ACTR3C: variants seen among roughly 807,000 people sequenced by gnomAD.
ACTR3C encodes actin related protein 3C.
ACTR3C carries 18 observed loss-of-function variants against 26.3 expected under a neutral mutation model. That is an observed-to-expected ratio of 0.68 (90% CI 0.47 to 1.01). ACTR3C has a LOEUF of 1.01. Among genes scored for constraint, ACTR3C ranks in the 50% least tolerant of loss-of-function variants. The pLI is 0.00. For synonymous variants in ACTR3C, 55 were observed against 94.5 expected (o/e 0.58, Z 2.42); for missense variants, 184 against 250.7 (o/e 0.73, Z 1.80).
At chr7:150,098,586 C>A in the ACTR3C span, among the ~76,000 whole-genome samples, 1 of 151,720 alleles carries the variant, frequency 6.6e-6, no homozygotes, top group Non-Finnish European at 1.5e-5. Context: ...ACTTAAAGTG[C>A]TTTTTGAACT....
chr7:150,288,950 G>A (rs1205905752), intron 4 of ACTR3C, among the ~76,000 whole-genome samples: 1 of 151,794 alleles, frequency 6.6e-6, no homozygotes, highest in Non-Finnish European at 1.5e-5. Flanking sequence ...GGAGAAGTGT[G>A]GGTGTCAGGC....
the ACTR3C span, among the ~76,000 whole-genome samples, chr7:149,887,717 G>A: frequency 6.6e-6 from 1 of 152,192 alleles, no homozygotes; most frequent in African/African-American, 2.4e-5. Flanking sequence ...GATATGATTT[G>A]GCTGTGCCCC....
At chr7:150,249,226 T>C (rs10429018) in intron 6 of ACTR3C, among the ~76,000 whole-genome samples, 172 bp from the exon 7 acceptor site, 14,635 of 152,194 alleles carry the variant, frequency 0.096, 2,364 homozygotes, top group African/African-American at 0.33. Flanking sequence ...TAGCAGATTT[T>C]TCATCTGAAA....
chr7:150,157,066 C>A, the ACTR3C span, among the ~76,000 whole-genome samples: 15 of 144,174 alleles, frequency 1.0e-4, no homozygotes, highest in African/African-American at 3.5e-4. Context: ...ACAAAAAACA[C>A]GTGGACAAGG....
the ACTR3C span, among the ~76,000 whole-genome samples, chr7:149,994,871 G>T: frequency 4.1e-5 from 6 of 145,348 alleles, no homozygotes; most frequent in East Asian, 1.2e-3. Flanking sequence ...TTTTGAGATG[G>T]AGTATGGAGT....
downstream of ACTR3C, chr7:150,245,540 A>T (rs1412433983): frequency 1.3e-5 from 2 of 152,230 alleles, no homozygotes; most frequent in African/African-American, 2.4e-5. Flanking sequence ...CTCTAGTCAG[A>T]GTCCCCAGGC....
chr7:150,259,644 C>G (rs1833500084), intron 6 of ACTR3C, among the ~76,000 whole-genome samples: 1 of 152,154 alleles, frequency 6.6e-6, no homozygotes, highest in African/African-American at 2.4e-5. Context: ...AGAATTTTGA[C>G]AAGGAAATGA....
the ACTR3C span, among the ~76,000 whole-genome samples, chr7:149,951,272 G>T: frequency 1.6e-4 from 21 of 130,176 alleles, no homozygotes; most frequent in South Asian, 7.9e-4. Context: ...TGCTCCGCAG[G>T]GATGTAAACA....
the ACTR3C span, among the ~76,000 whole-genome samples, chr7:150,134,157 G>A: frequency 6.7e-6 from 1 of 149,584 alleles, no homozygotes. Context: ...GTATACATAT[G>A]TAACAAACCT....
chr7:150,192,162 T>C, the ACTR3C span, among the ~76,000 whole-genome samples: 1 of 151,092 alleles, frequency 6.6e-6, no homozygotes, highest in East Asian at 1.9e-4. Flanking sequence ...TGTTTGTTCA[T>C]GAGGGATATT....
the ACTR3C span, among the ~76,000 whole-genome samples, chr7:150,206,203 G>T: frequency 0.06 from 9,137 of 152,206 alleles, 882 homozygotes; most frequent in African/African-American, 0.21. Context: ...ACGGCTGTCA[G>T]TCTAGTATCT....
the ACTR3C span, among the ~76,000 whole-genome samples, chr7:150,161,198 GTATTTA>G: frequency 6.9e-5 from 5 of 72,066 alleles, no homozygotes; most frequent in African/African-American, 3.5e-4. Flanking sequence ...AGGGAGGAAA[GTATTTA>G]TATATATATA....
chr7:150,074,516 G>A, the ACTR3C span: 7 of 151,760 alleles, frequency 4.6e-5, no homozygotes, highest in East Asian at 3.9e-4. Flanking sequence ...ATGCAGGCAT[G>A]TGGCACCTGC....
chr7:149,986,293 TGTGGTCTCCCTTCTGCTCTACTGTTTGTA>T, the ACTR3C span, among the ~76,000 whole-genome samples: 2 of 152,222 alleles, frequency 1.3e-5, no homozygotes, highest in Non-Finnish European at 2.9e-5. Context: ...AATGGAAGTT[TGTGGTCTCCCTTCTGCTCTACTGTTTGTA>T]CCTTATGATA....
intron 1 of ACTR3C, among the ~76,000 whole-genome samples, chr7:150,318,692 G>A (rs1797190038): frequency 6.6e-6 from 1 of 152,182 alleles, no homozygotes; most frequent in Admixed American, 6.5e-5. Flanking sequence ...AACCCGAAGA[G>A]CCGAGATCGC....
chr7:150,049,586 C>G, the ACTR3C span, among the ~76,000 whole-genome samples: 4 of 152,270 alleles, frequency 2.6e-5, no homozygotes, highest in Admixed American at 1.3e-4. Context: ...CAGGCTCGCC[C>G]CCAGCCTTGG....
intron 1 of ACTR3C, among the ~76,000 whole-genome samples, chr7:150,306,058 T>C (rs1301953773): frequency 1.3e-5 from 2 of 152,292 alleles, no homozygotes. Flanking sequence ...ACAGAATGAC[T>C]TGCAGAATTC....
chr7:150,111,841 G>A, the ACTR3C span, among the ~76,000 whole-genome samples: 1 of 147,492 alleles, frequency 6.8e-6, no homozygotes, highest in East Asian at 2.0e-4. Flanking sequence ...CTTTTTCTGC[G>A]CGGAGAAATC....
the ACTR3C span, among the ~76,000 whole-genome samples, chr7:150,144,554 C>T: frequency 1.3e-5 from 2 of 151,926 alleles, no homozygotes; most frequent in Admixed American, 6.6e-5. This position sits in a 1 kb window ranked among gnomAD's most constrained non-coding sequence, Gnocchi z 4.6. Flanking sequence ...CCACCACAGC[C>T]GGTAGTTTAA....
Sources: allele counts gnomAD v4.1 joint callset (sites outside exome capture counted in the v4.1 genomes callset), GRCh38; gene constraint gnomAD v4.1.1; non-coding constraint Gnocchi (gnomAD v3.1); transcripts MANE v1.5; gene names NCBI Gene and HGNC (gene_info 2026-07-23, HGNC 2026-07-21).